The following AKAP19 variants were observed in gnomAD, a reference collection of about 807,000 sequenced individuals.
The protein encoded by AKAP19 is A-kinase anchoring protein 19.
the AKAP19 span, among the ~76,000 whole-genome samples, chr2:189,977,054 G>A: frequency 9.9e-5 from 15 of 152,128 alleles, no homozygotes; most frequent in Non-Finnish European, 1.3e-4. Flanking sequence ...GAAATCACCC[G>A]TCCTCTGCAT....
the AKAP19 span, chr2:190,056,381 T>C: frequency 6.6e-6 from 1 of 151,322 alleles, no homozygotes; most frequent in Non-Finnish European, 1.5e-5. Context: ...CCATAAAAAC[T>C]GCAGTGTTGC....
chr2:189,920,880 A>AT, the AKAP19 span, among the ~76,000 whole-genome samples: 1 of 152,052 alleles, frequency 6.6e-6, no homozygotes, highest in Non-Finnish European at 1.5e-5. Flanking sequence ...GCTTTCTAGG[A>AT]TTTTCAGGGT....
the AKAP19 span, among the ~76,000 whole-genome samples, chr2:190,042,830 A>G: frequency 6.6e-6 from 1 of 152,212 alleles, no homozygotes; most frequent in South Asian, 2.1e-4. Flanking sequence ...ATTAGCTGGC[A>G]GTGATCTTTC....
the AKAP19 span, among the ~76,000 whole-genome samples, chr2:190,078,773 C>T: frequency 6.6e-6 from 1 of 151,940 alleles, no homozygotes; most frequent in African/African-American, 2.4e-5. Context: ...TGCATTTGAC[C>T]CAGCAATTCT....
chr2:190,150,737 C>A, the AKAP19 span, among the ~76,000 whole-genome samples: 1 of 151,368 alleles, frequency 6.6e-6, no homozygotes, highest in Non-Finnish European at 1.5e-5. Flanking sequence ...CTCTGTCCTC[C>A]CAAGAGGAGA....
chr2:189,994,750 C>T, the AKAP19 span, among the ~76,000 whole-genome samples: 3 of 151,902 alleles, frequency 2.0e-5, no homozygotes, highest in African/African-American at 4.8e-5. Context: ...AGGTGTGTGC[C>T]ACCACACCCA....
At chr2:190,028,962 T>C in the AKAP19 span, among the ~76,000 whole-genome samples, 1 of 152,218 alleles carries the variant, frequency 6.6e-6, no homozygotes, top group Non-Finnish European at 1.5e-5. Context: ...AGATAGAAGA[T>C]ATGGAGCTTT....
At chr2:189,978,020 T>G in the AKAP19 span, among the ~76,000 whole-genome samples, 1 of 152,344 alleles carries the variant, frequency 6.6e-6, no homozygotes, top group Non-Finnish European at 1.5e-5. Flanking sequence ...AATCATAGCC[T>G]GATTTAAGTG....
chr2:190,041,272 TGTGGCA>T, the AKAP19 span, among the ~76,000 whole-genome samples: 1 of 152,192 alleles, frequency 6.6e-6, no homozygotes, highest in Non-Finnish European at 1.5e-5. Flanking sequence ...TTTATTCTTT[TGTGGCA>T]ATTGGGACTG....
the AKAP19 span, among the ~76,000 whole-genome samples, chr2:189,976,607 A>G: frequency 1.3e-5 from 2 of 152,152 alleles, no homozygotes; most frequent in Non-Finnish European, 1.5e-5. Flanking sequence ...GGCCTCCTTG[A>G]GCTGCGGTGG....
At chr2:190,076,029 T>C in the AKAP19 span, among the ~76,000 whole-genome samples, 1 of 152,228 alleles carries the variant, frequency 6.6e-6, no homozygotes, top group Non-Finnish European at 1.5e-5. Context: ...TTTTACTGCT[T>C]CGTGTGTGAT....
the AKAP19 span, among the ~76,000 whole-genome samples, chr2:190,077,912 G>A: frequency 6.6e-6 from 1 of 152,090 alleles, no homozygotes; most frequent in African/African-American, 2.4e-5. Flanking sequence ...TAATGCCCTG[G>A]GTATTCAACT....
the AKAP19 span, among the ~76,000 whole-genome samples, chr2:190,155,816 A>C: frequency 2.2e-4 from 33 of 152,232 alleles, no homozygotes; most frequent in Non-Finnish European, 3.8e-4. Context: ...CTGTGCTAGC[A>C]ACAAGCTATA....
At chr2:189,979,331 G>T in the AKAP19 span, among the ~76,000 whole-genome samples, 1 of 152,080 alleles carries the variant, frequency 6.6e-6, no homozygotes, top group Admixed American at 6.6e-5. Flanking sequence ...AATGGGGAAA[G>T]AACACCCTAT....
the AKAP19 span, among the ~76,000 whole-genome samples, chr2:189,895,079 C>T: frequency 6.6e-6 from 1 of 151,704 alleles, no homozygotes; most frequent in African/African-American, 2.4e-5. Flanking sequence ...GCAAAAAGGA[C>T]ATGCAATTGG....
chr2:190,013,896 G>C, the AKAP19 span, among the ~76,000 whole-genome samples: 1 of 151,956 alleles, frequency 6.6e-6, no homozygotes, highest in African/African-American at 2.4e-5. Flanking sequence ...TGGTTTTATT[G>C]ATTTTTTCTA....
the AKAP19 span, among the ~76,000 whole-genome samples, chr2:189,897,185 C>T: frequency 6.6e-6 from 1 of 152,048 alleles, no homozygotes; most frequent in African/African-American, 2.4e-5. Flanking sequence ...AATATTACTT[C>T]GTATTTCTTA....
At chr2:189,984,404 G>A in the AKAP19 span, among the ~76,000 whole-genome samples, 1 of 152,144 alleles carries the variant, frequency 6.6e-6, no homozygotes. Context: ...GAGAAATATG[G>A]CTCTGTTCTG....
chr2:190,029,216 C>A, the AKAP19 span, among the ~76,000 whole-genome samples: 3 of 152,006 alleles, frequency 2.0e-5, no homozygotes, highest in African/African-American at 7.2e-5. Context: ...CCTTGCCTGG[C>A]TAATTTTGTA....
Sources: allele counts gnomAD v4.1 joint callset (sites outside exome capture counted in the v4.1 genomes callset), GRCh38; gene constraint gnomAD v4.1.1; transcripts MANE v1.5; gene names NCBI Gene and HGNC (gene_info 2026-07-23, HGNC 2026-07-21).